The following NAV2 variants were observed in gnomAD, a reference collection of about 807,000 sequenced individuals.
NAV2 encodes neuron navigator 2.
Under a neutral mutation model 223.2 loss-of-function variants are expected in NAV2, and 54 were observed. The ratio of observed to expected loss-of-function variants is 0.24; its 90% CI spans 0.19 to 0.30. The LOEUF (loss-of-function observed/expected upper bound fraction) is 0.30. Ranked by LOEUF, NAV2 falls within the 10% of genes least tolerant of loss-of-function variation. NAV2 has a pLI of 1.00. For missense variants in NAV2, 2,806 were observed against 3,147.5 expected (o/e 0.89, Z 2.60); for synonymous variants, 1,279 against 1,239.3 (o/e 1.03, Z -0.67).
chr11:20,032,201 G>A (rs74730364), intron 11 of NAV2, among the ~76,000 whole-genome samples: 2 of 152,154 alleles, frequency 1.3e-5, no homozygotes, highest in African/African-American at 4.8e-5. Context: ...CTTGCTCATT[G>A]TGGCCTTCCC....
rs573433713 is a variant in NAV2 at position 19,836,998 on chromosome 11, C to T, written c.385+4397C>T. Among the ~76,000 whole-genome samples the T allele has an allele frequency of 2.0e-5, 3 of 152,226 alleles. No individual in the cohort carries two copies. In the South Asian group the frequency reaches 6.2e-4, roughly 32 times the overall value. ...ATGACCTAATTATCTCCCAAAGGCCCCATCTCCAAACACCATTACATTAGG... is the reference window on the plus strand; with the variant it reads ...ATGACCTAATTATCTCCCAAAGGCCTCATCTCCAAACACCATTACATTAGG... On this transcript the variant is annotated intron_variant, in intron 2 of 37. Transcript: ENST00000349880.
chr11:19,616,261 C>T (rs2046786315), intron 1 of NAV2, among the ~76,000 whole-genome samples: 1 of 151,010 alleles, frequency 6.6e-6, no homozygotes. Flanking sequence ...TGTGGGCCCA[C>T]CTCTCATTAT....
At chr11:19,835,070 G>T (rs973220447) in intron 2 of NAV2, among the ~76,000 whole-genome samples, 1 of 152,216 alleles carries the variant, frequency 6.6e-6, no homozygotes, top group African/African-American at 2.4e-5. Context: ...GAGTATGTAT[G>T]TTGTGCATTT....
chr11:19,403,623 G>C (rs1435276447), intron 1 of NAV2, among the ~76,000 whole-genome samples: 1 of 152,168 alleles, frequency 6.6e-6, no homozygotes, highest in Non-Finnish European at 1.5e-5. Context: ...TTCATTGAGA[G>C]GCAACAATGT....
chr11:19,545,905 G>T (rs1007255809), intron 1 of NAV2, among the ~76,000 whole-genome samples: 2 of 152,190 alleles, frequency 1.3e-5, no homozygotes, highest in Admixed American at 6.5e-5. Context: ...CTTTTAAGCA[G>T]AACTTTTTGG....
chr11:19,591,119 TTG>T (rs2046046754), intron 1 of NAV2: 1 of 152,226 alleles, frequency 6.6e-6, no homozygotes, highest in African/African-American at 2.4e-5. Context: ...AATGTTGAGG[TTG>T]TGTTGCATCC....
intron 10 of NAV2, among the ~76,000 whole-genome samples, chr11:19,963,685 T>C (rs1445460547): frequency 6.6e-6 from 1 of 152,248 alleles, no homozygotes; most frequent in Non-Finnish European, 1.5e-5. Context: ...CAATATTATG[T>C]GTTTAATTTC....
intron 1 of NAV2, among the ~76,000 whole-genome samples, chr11:19,771,592 C>G (rs775607560): frequency 3.3e-5 from 5 of 151,894 alleles, no homozygotes. Context: ...TCATCTGACC[C>G]CCCCCATTAG....
At chr11:19,831,155 C>G (rs565511897) in intron 1 of NAV2, among the ~76,000 whole-genome samples, 124 of 144,668 alleles carry the variant, frequency 8.6e-4, no homozygotes, top group African/African-American at 3.1e-3. Context: ...GCCAGAGATG[C>G]TACCTCCTTA....
intron 1 of NAV2, among the ~76,000 whole-genome samples, chr11:19,816,924 C>T (rs999244082): frequency 2.6e-5 from 4 of 152,090 alleles, no homozygotes; most frequent in South Asian, 2.1e-4. Flanking sequence ...TCTGTGCCTT[C>T]GGTCACAGCC....
intron 1 of NAV2, among the ~76,000 whole-genome samples, chr11:19,555,440 C>CA (rs2044849823): frequency 1.3e-5 from 2 of 149,684 alleles, no homozygotes; most frequent in Admixed American, 1.3e-4. Flanking sequence ...CCAACACTCC[C>CA]AGACCTGGGG....
chr11:19,673,635 G>T (rs1425258183), intron 1 of NAV2, among the ~76,000 whole-genome samples: 2 of 152,208 alleles, frequency 1.3e-5, no homozygotes, highest in Non-Finnish European at 2.9e-5. Context: ...AGTTTTATAA[G>T]AATCCTGGCA....
intron 15 of NAV2, 88 bp from the exon 16 acceptor site, chr11:20,049,748 G>C: frequency 7.9e-7 from 1 of 1,265,634 alleles, no homozygotes; most frequent in East Asian, 2.3e-5. Context: ...GATCAGCATG[G>C]GGAATGAAAA....
intron 26 of NAV2, 137 bp from the exon 27 acceptor site, chr11:20,090,728 C>T (rs1226024601): frequency 3.8e-6 from 3 of 782,488 alleles, no homozygotes; most frequent in Middle Eastern, 2.5e-4. Flanking sequence ...GTGCTTTTGG[C>T]ATTGTCACCC....
chr11:19,992,312 T>A (rs969024982), intron 11 of NAV2, among the ~76,000 whole-genome samples: 8 of 152,220 alleles, frequency 5.3e-5, no homozygotes, highest in Non-Finnish European at 1.0e-4. Context: ...GAACAAGGGA[T>A]GGTGCTGACA....
rs182116560 is a variant in NAV2 at position 20,051,457 on chromosome 11, G to A, written c.4481+124G>A. 32 of 824,186 alleles carry A rather than the reference G, an allele frequency of 3.9e-5. No individual in the cohort carries two copies. In the East Asian group the frequency reaches 7.3e-4, roughly 19 times the overall value. The allele number at this position is 824,186 out of a possible 1,614,324, so 51.1% of individuals were successfully genotyped here. ...GGTCCCCGCTTTGACCACCACAGCA[G>A]GACCTTTTGGATGACGGCTCCCCTT... On this transcript the variant is annotated intron_variant, in intron 17 of 37. Coordinates refer to ENST00000349880, the MANE Select transcript of NAV2 (RefSeq NM_145117.5).
intron 12 of NAV2, among the ~76,000 whole-genome samples, chr11:20,038,814 G>A (rs2056645048): frequency 6.6e-6 from 1 of 152,154 alleles, no homozygotes; most frequent in Non-Finnish European, 1.5e-5. Context: ...CTAGGTTTTT[G>A]CTGTTTGAAA....
intron 1 of NAV2, among the ~76,000 whole-genome samples, chr11:19,701,840 A>G (rs2049519106): frequency 6.6e-6 from 1 of 152,176 alleles, no homozygotes; most frequent in Admixed American, 6.5e-5. Flanking sequence ...TTGGAGAGGG[A>G]ACGGAAATCA....
chr11:19,346,493 C>G (rs1420245510), upstream of NAV2, among the ~76,000 whole-genome samples: 1 of 152,234 alleles, frequency 6.6e-6, no homozygotes, highest in Non-Finnish European at 1.5e-5. Context: ...CGCGGTGCCT[C>G]CCGGGTGTGC....
Sources: allele counts gnomAD v4.1 joint callset (sites outside exome capture counted in the v4.1 genomes callset), GRCh38; gene constraint gnomAD v4.1.1; transcripts MANE v1.5; gene names NCBI Gene and HGNC (gene_info 2026-07-23, HGNC 2026-07-21).